ADH5: variants seen among roughly 807,000 people sequenced by gnomAD.
ADH5 encodes alcohol dehydrogenase class-3.
A neutral mutation model predicts 40.3 loss-of-function variants in ADH5; 32 were observed. The observed-to-expected ratio is 0.79, with a 90% CI of 0.60 to 1.07. ADH5 has a LOEUF of 1.07. Ranked by LOEUF, ADH5 falls within the 50% of genes least tolerant of loss-of-function variation. The pLI, the probability that ADH5 is intolerant of heterozygous loss-of-function variation, is 0.00. For synonymous variants in ADH5, 125 were observed against 154.3 expected (o/e 0.81, Z 1.41); for missense variants, 353 against 460.5 (o/e 0.77, Z 2.14).
chr4:99,087,396 A>AGGG (rs112581712), intron 1 of ADH5, among the ~76,000 whole-genome samples: 50 of 34,646 alleles, frequency 1.4e-3, no homozygotes, highest in African/African-American at 3.5e-3. Context: ...CTGGCGGGGG[A>AGGG]GGGGGGGGGG....
In ADH5 at chr4:99,075,066, AT is replaced by A. The variant is rs1560752850; in HGVS notation, c.826-18del. ...TGCTGCTCTCTGCAGGCACAGAGAT[AT>A]GACCAAATCACAGAAGTCAGTGCAT... On this transcript the variant is annotated intron_variant, in intron 6 of 8. Coordinates refer to ENST00000296412, the MANE Select transcript of ADH5 (RefSeq NM_000671.4). 2 of 1,567,188 alleles carry A rather than the reference AT, an allele frequency of 1.3e-6. No homozygotes were observed. Among genetic ancestry groups the A allele is most frequent in the South Asian group, 1.2e-5 (1 of 83,858 alleles).
At chr4:99,077,500 TAAA>T (rs28730620) in intron 4 of ADH5, among the ~76,000 whole-genome samples, 2 of 150,704 alleles carry the variant, frequency 1.3e-5, no homozygotes, top group Non-Finnish European at 3.0e-5. Flanking sequence ...GTCTCAAAAA[TAAA>T]AAAAAATAAA....
At chr4:99,072,482 TTA>T in intron 8 of ADH5, 41 bp from the exon 9 acceptor site, 3 of 1,611,256 alleles carry the variant, frequency 1.9e-6, no homozygotes, top group Non-Finnish European at 2.5e-6. Context: ...AATGATACCT[TTA>T]AGACAACTAA....
chr4:99,072,516 A>T lies in ADH5; in HGVS notation c.1100+57T>A. 5 of 1,609,340 alleles carry T rather than the reference A, an allele frequency of 3.1e-6. No individual in the cohort carries two copies. In the East Asian group the frequency reaches 1.1e-4, roughly 36 times the overall value. On this transcript the variant is annotated intron_variant, in intron 8 of 8. Coordinates refer to ENST00000296412, the MANE Select transcript of ADH5 (RefSeq NM_000671.4). ...CTAAAATTGTGTTTTTCGACTCTCC[A>T]TCCCCTCAAACTCAACATCATTATT...
At chr4:99,088,662 C>G in intron 1 of ADH5, 27 bp downstream of exon 1, 1 of 1,605,860 alleles carries the variant, frequency 6.2e-7, no homozygotes, top group Non-Finnish European at 8.5e-7. Context: ...CCCTTGGACT[C>G]AGGGCCCTCC....
At chr4:99,082,899 A>G (rs1005458860) in intron 2 of ADH5, among the ~76,000 whole-genome samples, 2 of 152,118 alleles carry the variant, frequency 1.3e-5, no homozygotes, top group African/African-American at 4.8e-5. Context: ...GCTGGTCTTG[A>G]ACTCCTCACC....
rs762072471 is a variant in ADH5 at position 99,074,977 on chromosome 4, C to A, written c.898G>T (p.Glu300Ter). ...AGCTGGAATGGACGAGTGGCAATTT[C>A]TTCACCTGAAGCAGCTACTCCAACC... ...VVVGVAASGEEIATRPFQLVT... is the reference protein window; with the variant it reads ...VVVGVAASGE The change falls in exon 7 of 9, where the codon GAA (glutamate) becomes TAA (stop). Residue 300 changes from glutamate to a stop codon, truncating the protein, a stop_gained. Coordinates refer to ENST00000296412, the MANE Select transcript of ADH5 (RefSeq NM_000671.4). LOFTEE classifies it high-confidence loss of function. 1.1e-5 allele frequency: 17 copies of A among 1,613,354 alleles called. No individual in the cohort carries two copies. The Admixed American group carries it at 2.0e-4, about 19-fold the overall frequency.
chr4:99,084,281 C>G (rs1051184910), intron 2 of ADH5, among the ~76,000 whole-genome samples: 4 of 152,152 alleles, frequency 2.6e-5, no homozygotes, highest in African/African-American at 9.7e-5. Flanking sequence ...CACAAAGACC[C>G]TGCTGATAAG....
At chr4:99,083,557 A>C (rs1219545733) in intron 2 of ADH5, among the ~76,000 whole-genome samples, 1 of 138,026 alleles carries the variant, frequency 7.2e-6, no homozygotes, top group Non-Finnish European at 1.5e-5. Flanking sequence ...CCGAGATCGC[A>C]CCACTGCACT....
In ADH5 at chr4:99,076,718, C is replaced by T. The variant is rs374350956; in HGVS notation, c.550G>A (p.Val184Met). The change falls in exon 5 of 9, where the codon GTG becomes ATG. Residue 184 changes from valine (V) to methionine (M), a missense_variant. Transcript: ENST00000296412. ...CGISTGYGAA[V>M]NTAKLEPGSV... ...CAGTCTCTTACCTTGGCAGTGTTCA[C>T]AGCAGCACCATAACCGGTTGAAATG... is the stretch of plus-strand genomic sequence containing the variant. The T allele has an allele frequency of 1.1e-5, 18 of 1,613,850 alleles. No individual in the cohort carries two copies. Among genetic ancestry groups the T allele is most frequent in the Non-Finnish European group, 1.4e-5 (17 of 1,179,882 alleles).
chr4:99,084,280 C>T (rs2110463825), intron 2 of ADH5, among the ~76,000 whole-genome samples: 1 of 152,232 alleles, frequency 6.6e-6, no homozygotes, highest in South Asian at 2.1e-4. Context: ...TCACAAAGAC[C>T]CTGCTGATAA....
At chr4:99,079,904 G>C (rs1431854342) in intron 4 of ADH5, 5 of 425,156 alleles carry the variant, frequency 1.2e-5, no homozygotes, top group Non-Finnish European at 1.8e-5. Flanking sequence ...TTAGCCTGCT[G>C]TTATGTGAAG....
chr4:99,082,023 CACCTTCA>C lies in ADH5; in HGVS notation c.201_207del (p.His67GlnfsTer15), dbSNP rs1728034853. 10 of 1,613,914 alleles carry C rather than the reference CACCTTCA, an allele frequency of 6.2e-6. No individual in the cohort carries two copies. The highest frequency in any genetic ancestry group is 8.5e-6 in the Non-Finnish European group (10 of 1,179,826). ...TCACCAACACTTTCCACAATTCCAGCACCTTCATGTCCCAAGATCACTGGAAAACAAC... is the reference window on the plus strand; with the variant it reads ...TCACCAACACTTTCCACAATTCCAGCTGTCCCAAGATCACTGGAAAACAAC... On this transcript the variant is annotated frameshift_variant, in exon 3 of 9. Transcript: ENST00000296412. LOFTEE classifies it high-confidence loss of function.
Position 99,088,704 on chromosome 4 carries a change from C to A in ADH5, c.-4G>T, listed in dbSNP as rs1372611923. ...CGGGCCCTACCTCGTTCGCCATGTT[C>A]ACGGATTCTGGTCGGCGCGGGGGGC... On this transcript the variant is annotated 5_prime_UTR_variant, in exon 1 of 9. The change abolishes the stop of an existing upstream ORF in the 5' untranslated region. Coordinates refer to ENST00000296412, the MANE Select transcript of ADH5 (RefSeq NM_000671.4). 6 of 1,596,410 alleles carry A rather than the reference C, an allele frequency of 3.8e-6. No homozygotes were observed. The highest frequency in any genetic ancestry group is 1.7e-5 in the Admixed American group (1 of 59,402).
Position 99,072,637 on chromosome 4 carries a change from C to A in ADH5, c.1036G>T (p.Val346Leu). The A allele has an allele frequency of 6.2e-7, 1 of 1,613,716 alleles. No homozygotes were observed. Among genetic ancestry groups the A allele is most frequent in the Non-Finnish European group, 8.5e-7 (1 of 1,179,778 alleles). ...MSKKIKVDEF[V>L]THNLSFDEIN... ...TCATCAAAAGACAGATTGTGAGTCA[C>A]AAATTCATCAACTTTTATCTTTTTG... Residue 346 changes from valine to leucine, a missense_variant, in exon 8 of 9, where the codon GTG (valine) becomes TTG (leucine). Coordinates refer to ENST00000296412, the MANE Select transcript of ADH5 (RefSeq NM_000671.4).
rs1355524667 is a variant in ADH5, at chr4:99,077,051, AT to A, written c.345-129del. ...TGTTGTAAACTACAATTTCAAATAT[AT>A]TCATTAGTAATTTAGCACCTTGCAG... is the stretch of plus-strand genomic sequence containing the variant. On this transcript the variant is annotated intron_variant, in intron 4 of 8. Coordinates refer to ENST00000296412, the MANE Select transcript of ADH5 (RefSeq NM_000671.4). 4.4e-6 allele frequency: 3 copies of A among 686,500 alleles called. No homozygotes were observed. In the East Asian group the frequency reaches 8.1e-5, roughly 19 times the overall value. The allele number at this position is 686,500 out of a possible 1,614,324, so 42.5% of individuals were successfully genotyped here.
chr4:99,074,564 A>T (rs29001583), intron 7 of ADH5, among the ~76,000 whole-genome samples: 2,775 of 152,320 alleles, frequency 0.018, 77 homozygotes, highest in African/African-American at 0.063. Flanking sequence ...TCCACAAGAA[A>T]CACACCATGG....
At position 99,072,133 on chromosome 4, in the gene ADH5, T is replaced by C; in HGVS notation, c.*284A>G. 1 of 354,324 alleles carries C rather than the reference T, an allele frequency of 2.8e-6. No individual in the cohort carries two copies. The highest frequency in any genetic ancestry group is 5.1e-6 in the Non-Finnish European group (1 of 196,748). The allele number at this position is 354,324 out of a possible 1,614,324, so 21.9% of individuals were successfully genotyped here. On this transcript the variant is annotated 3_prime_UTR_variant, in exon 9 of 9. Coordinates refer to ENST00000296412, the MANE Select transcript of ADH5 (RefSeq NM_000671.4). ...ACAAACCGTGACAATGATGACAGCA[T>C]AAAACAAGACAATTTCCACACAAAT...
intron 2 of ADH5, among the ~76,000 whole-genome samples, chr4:99,083,599 CCAAAAAAAAAAAA>C (rs1728070672): frequency 2.2e-5 from 1 of 45,492 alleles, no homozygotes; most frequent in Non-Finnish European, 4.1e-5. Flanking sequence ...AACTCTGTCT[CCAAAAAAAAAAAA>C]AAAAAAAAAA....
Sources: allele counts gnomAD v4.1 joint callset (sites outside exome capture counted in the v4.1 genomes callset), GRCh38; gene constraint gnomAD v4.1.1; transcripts MANE v1.5; gene names NCBI Gene and HGNC (gene_info 2026-07-23, HGNC 2026-07-21).